Variants in CACNA2D3 observed in about 807,000 individuals in gnomAD.
The protein encoded by CACNA2D3 is voltage-dependent calcium channel subunit alpha-2/delta-3.
In CACNA2D3, 60 loss-of-function variants were observed where a neutral mutation model predicts 160.6. The ratio of observed to expected loss-of-function variants is 0.37; its 90% CI spans 0.30 to 0.46. The LOEUF is 0.46. Ranked by LOEUF, CACNA2D3 falls within the 20% of genes least tolerant of loss-of-function variation. The pLI, the probability that CACNA2D3 is intolerant of heterozygous loss-of-function variation, is 1.00. For synonymous variants in CACNA2D3, 558 were observed against 492.9 expected, an observed-to-expected ratio of 1.13 and a Z score of -1.75; for missense variants, 1,205 against 1,365.0, an observed-to-expected ratio of 0.88 and a Z score of 1.85.
intron 34 of CACNA2D3, among the ~76,000 whole-genome samples, chr3:55,009,961 T>G (rs1025851989): frequency 6.6e-6 from 1 of 152,144 alleles, no homozygotes; most frequent in Non-Finnish European, 1.5e-5. Flanking sequence ...AGCTTAGAGG[T>G]TGGCCTTGGG....
At chr3:54,901,295 C>G (rs1352285654) in intron 27 of CACNA2D3, 1 of 152,212 alleles carries the variant, frequency 6.6e-6, no homozygotes, top group Non-Finnish European at 1.5e-5. Context: ...AAAACCCTTT[C>G]TTTGGGTTTC....
chr3:54,637,683 T>TGA (rs1699408788), intron 10 of CACNA2D3: 1 of 151,890 alleles, frequency 6.6e-6, no homozygotes, highest in Non-Finnish European at 1.5e-5. Flanking sequence ...CCCTCCACTG[T>TGA]GAGTTACCTA....
Position 55,018,320 on chromosome 3 carries a change from A to G in CACNA2D3, c.2987+3A>G. Reference sequence around the variant, plus strand: ...ATTGCTTGTGAAGACTGCTCCAAGTAAGCCATCCCCCCACCCTCTAACCCC... The same window carrying G: ...ATTGCTTGTGAAGACTGCTCCAAGTGAGCCATCCCCCCACCCTCTAACCCC... On this transcript the variant is annotated splice_donor_region_variant and intron_variant, in intron 35 of 37. Coordinates refer to ENST00000474759, the MANE Select transcript of CACNA2D3 (RefSeq NM_018398.3). 1 of 1,579,240 alleles carries G rather than the reference A, an allele frequency of 6.3e-7. No homozygotes were observed. The highest frequency in any genetic ancestry group is 8.7e-7 in the Non-Finnish European group (1 of 1,149,280).
chr3:54,403,747 A>G (rs1468121227), intron 4 of CACNA2D3, among the ~76,000 whole-genome samples: 1 of 152,130 alleles, frequency 6.6e-6, no homozygotes, highest in Non-Finnish European at 1.5e-5. Flanking sequence ...ACAAACCCTT[A>G]GCTAGACTAA....
chr3:54,687,126 T>G (rs979798311), intron 11 of CACNA2D3, among the ~76,000 whole-genome samples: 1 of 66,988 alleles, frequency 1.5e-5, no homozygotes, highest in Non-Finnish European at 2.9e-5. Flanking sequence ...TTTTTCTTTT[T>G]TTTTTTTTGT....
intron 23 of CACNA2D3, among the ~76,000 whole-genome samples, chr3:54,885,995 C>T (rs1699915443): frequency 6.6e-6 from 1 of 152,144 alleles, no homozygotes; most frequent in African/African-American, 2.4e-5. Context: ...AGTAGGGTCA[C>T]GACGGGGACA....
In CACNA2D3 at chr3:54,212,241, G is replaced by A. The variant is rs917434106; in HGVS notation, c.204+88647G>A. Among the ~76,000 whole-genome samples the A allele has an allele frequency of 3.9e-5, 6 of 152,272 alleles. No homozygotes were observed. The East Asian group carries it at 7.7e-4, about 20-fold the overall frequency. On this transcript the variant is annotated intron_variant, in intron 2 of 37. Transcript: ENST00000474759. ...TGGTCGGGGTACAGCTTGCTTTTAC[G>A]CCTTTTAGGGAGACATAATACATCA...
chr3:54,280,076 A>G (rs762041931), intron 2 of CACNA2D3, among the ~76,000 whole-genome samples: 25 of 112,476 alleles, frequency 2.2e-4, no homozygotes, highest in Admixed American at 7.1e-4. Context: ...TTGTTTATTT[A>G]TTTATTTATT....
At position 55,073,735 on chromosome 3, in the gene CACNA2D3, G is replaced by C. The variant is rs755831070; in HGVS notation, c.3101-42G>C. 24 of 1,551,346 alleles carry C rather than the reference G, an allele frequency of 1.5e-5. No homozygotes were observed. The South Asian group carries it at 2.3e-4, about 15-fold the overall frequency. ...ATTTTGACCTCTGAAATGCAGAGTAGAAAAAAGCAATCCTTGGAAACATGC... is the reference window on the plus strand; with the variant it reads ...ATTTTGACCTCTGAAATGCAGAGTACAAAAAAGCAATCCTTGGAAACATGC... On this transcript the variant is annotated intron_variant, in intron 36 of 37. Coordinates refer to ENST00000474759, the MANE Select transcript of CACNA2D3 (RefSeq NM_018398.3).
At chr3:54,191,965 G>C (rs1700992629) in intron 2 of CACNA2D3, among the ~76,000 whole-genome samples, 1 of 152,182 alleles carries the variant, frequency 6.6e-6, no homozygotes, top group African/African-American at 2.4e-5. Context: ...AGGATGCATT[G>C]GCATTGAGGC....
rs753698801 is a variant in CACNA2D3, at chr3:54,581,786, AC to A, written c.889-16del. On this transcript the variant is annotated splice_polypyrimidine_tract_variant and intron_variant, in intron 8 of 37. Transcript: ENST00000474759. ...TTCCTTAATTAAGTGTTCCTTCTTG[AC>A]TTTTTTCCTTTGCAGTATAATGAGG... is the stretch of plus-strand genomic sequence containing the variant. 8 of 1,607,204 alleles carry A rather than the reference AC, an allele frequency of 5.0e-6. No homozygotes were observed. In the East Asian group the frequency reaches 1.8e-4, roughly 36 times the overall value.
chr3:55,044,871 G>C (rs935977819), intron 35 of CACNA2D3, among the ~76,000 whole-genome samples: 5 of 152,048 alleles, frequency 3.3e-5, no homozygotes, highest in African/African-American at 1.2e-4. Context: ...CATCATTTGA[G>C]ATAATCATAT....
intron 27 of CACNA2D3, among the ~76,000 whole-genome samples, chr3:54,943,680 T>C (rs1701535648): frequency 6.6e-6 from 1 of 152,206 alleles, no homozygotes; most frequent in Non-Finnish European, 1.5e-5. Flanking sequence ...GTCTCAAATA[T>C]GTATTACTAC....
At chr3:54,611,751 T>C (rs1698752659) in intron 9 of CACNA2D3, among the ~76,000 whole-genome samples, 1 of 152,170 alleles carries the variant, frequency 6.6e-6, no homozygotes, top group South Asian at 2.1e-4. Flanking sequence ...TGATACCACC[T>C]TGAAAATTAT....
At chr3:55,004,969 C>T in intron 32 of CACNA2D3, 131 bp downstream of exon 32, 2 of 547,836 alleles carry the variant, frequency 3.7e-6, no homozygotes, top group Non-Finnish European at 6.2e-6. Flanking sequence ...ACTTTACTCA[C>T]TTAAAAAAAA....
intron 34 of CACNA2D3, among the ~76,000 whole-genome samples, chr3:55,010,026 G>A (rs1288331396): frequency 6.6e-6 from 1 of 152,140 alleles, no homozygotes; most frequent in African/African-American, 2.4e-5. Context: ...GCACAATGGG[G>A]AAAAATAATA....
intron 11 of CACNA2D3, among the ~76,000 whole-genome samples, chr3:54,726,468 A>T (rs540531965): frequency 6.6e-6 from 1 of 152,368 alleles, no homozygotes; most frequent in African/African-American, 2.4e-5. Flanking sequence ...ATCCTGGGCA[A>T]GAAGAGCAAG....
intron 27 of CACNA2D3, among the ~76,000 whole-genome samples, chr3:54,920,954 A>G (rs1271319144): frequency 2.6e-5 from 4 of 152,208 alleles, no homozygotes; most frequent in Admixed American, 6.5e-5. Flanking sequence ...AGCCTGGGAC[A>G]TAGCTGGAAG....
At chr3:54,842,611 T>TA (rs1417083684) in intron 16 of CACNA2D3, among the ~76,000 whole-genome samples, 1 of 151,266 alleles carries the variant, frequency 6.6e-6, no homozygotes, top group African/African-American at 2.4e-5. Context: ...TCTTTTCTTT[T>TA]TTTTTTTGAG....
Sources: gnomAD v4.1 joint callset for allele counts (sites outside exome capture counted in the v4.1 genomes callset) on GRCh38, gnomAD v4.1.1 for gene constraint, MANE v1.5 for transcripts, NCBI Gene and HGNC (gene_info 2026-07-23, HGNC 2026-07-21) for gene names.